The following EFTUD2 variants were observed in gnomAD, a reference collection of about 807,000 sequenced individuals.
EFTUD2 encodes 116 kDa U5 small nuclear ribonucleoprotein component.
A neutral mutation model predicts 114.3 loss-of-function variants in EFTUD2; 9 were observed. The observed-to-expected ratio is 0.08, with a 90% CI of 0.05 to 0.14. The LOEUF is 0.14. Ranked by LOEUF, EFTUD2 falls within the 10% of genes least tolerant of loss-of-function variation. EFTUD2 has a pLI of 1.00. For synonymous variants in EFTUD2, 449 were observed against 462.3 expected (o/e 0.97, Z 0.37); for missense variants, 765 against 1,241.2 (o/e 0.62, Z 5.76).
chr17:44,887,953 T>C (rs2051203868), intron 2 of EFTUD2, among the ~76,000 whole-genome samples: 1 of 152,200 alleles, frequency 6.6e-6, no homozygotes, highest in African/African-American at 2.4e-5. Flanking sequence ...CTAAAACACT[T>C]ACTGAGCACT....
chr17:44,860,857 C>T (rs1027526327), intron 16 of EFTUD2, among the ~76,000 whole-genome samples: 1 of 152,080 alleles, frequency 6.6e-6, no homozygotes. Flanking sequence ...CCTCAGCCTT[C>T]CAAAGTGCTA....
rs965187392 is a variant in EFTUD2, at chr17:44,863,106, CTCT to C, written c.1414-203_1414-201del. ...GACATGGCAGAGCAAAAATATTCTC[CTCT>C]TTTTTTTTTTTTGGGAGGATAAGGG... On this transcript the variant is annotated intron_variant, in intron 15 of 27. Coordinates refer to ENST00000426333, the MANE Select transcript of EFTUD2 (RefSeq NM_004247.4). 98 of 288,518 alleles carry C rather than the reference CTCT, an allele frequency of 3.4e-4. No homozygotes were observed. In the East Asian group the frequency reaches 3.5e-3, roughly 10 times the overall value. 17.9% of individuals were successfully genotyped at this position (288,518 alleles called of 1,614,324 possible).
chr17:44,885,445 T>C, intron 3 of EFTUD2, 111 bp from the exon 4 acceptor site: 1 of 775,826 alleles, frequency 1.3e-6, no homozygotes, highest in Non-Finnish European at 2.2e-6. Flanking sequence ...GACATCAATT[T>C]ATTTTACTCT....
chr17:44,882,084 G>A (rs1042693104), intron 6 of EFTUD2, among the ~76,000 whole-genome samples: 3 of 151,560 alleles, frequency 2.0e-5, no homozygotes, highest in Non-Finnish European at 2.9e-5. Context: ...GCAGACGTGC[G>A]CCACCATGCT....
intron 1 of EFTUD2, chr17:44,895,729 C>G (rs191477754): frequency 6.6e-6 from 1 of 152,306 alleles, no homozygotes; most frequent in East Asian, 1.9e-4. Context: ...CACAATACAA[C>G]CATCAAAATC....
At chr17:44,876,855 CAAAAAAAA>C (rs58892812) in intron 9 of EFTUD2, among the ~76,000 whole-genome samples, 23 of 48,242 alleles carry the variant, frequency 4.8e-4, no homozygotes, top group Middle Eastern at 0.016. Flanking sequence ...GACTCCGTCT[CAAAAAAAA>C]AAAAAAAAAA....
chr17:44,877,252 G>A (rs1427484712), intron 9 of EFTUD2, among the ~76,000 whole-genome samples: 9 of 151,912 alleles, frequency 5.9e-5, no homozygotes, highest in Admixed American at 5.9e-4. Context: ...GTCCAGGATT[G>A]GGACAAGGAA....
chr17:44,863,486 A>G, intron 15 of EFTUD2, 169 bp downstream of exon 15: 1 of 879,384 alleles, frequency 1.1e-6, no homozygotes, highest in Non-Finnish European at 1.7e-6. Flanking sequence ...TCCCAAGGTC[A>G]TAGCACTAGC....
chr17:44,886,712 A>G lies in EFTUD2; in HGVS notation c.144T>C (p.His48=), dbSNP rs140171398. The G allele has an allele frequency of 1.9e-6, 3 of 1,614,094 alleles. No homozygotes were observed. Among genetic ancestry groups the G allele is most frequent in the African/African-American group, 2.7e-5 (2 of 75,036 alleles). ...DDDDDDDVGD[H]DDDHPGMEVV... is the part of the protein sequence containing the mutation. ...CCTCCATCCCAGGGTGGTCATCGTC[A>G]TGATCTCCTACGTCATCGTCGTCGT... The change falls in exon 3 of 28, where the codon CAT becomes CAC. Residue 48 remains histidine, a synonymous_variant. Coordinates refer to ENST00000426333, the MANE Select transcript of EFTUD2 (RefSeq NM_004247.4).
chr17:44,863,881 G>A (rs764391514), intron 14 of EFTUD2, 99 bp from the exon 15 acceptor site: 43 of 1,492,112 alleles, frequency 2.9e-5, no homozygotes, highest in Middle Eastern at 3.9e-4. Flanking sequence ...CTCAAAGTGC[G>A]GGGACTGATT....
At chr17:44,889,468 G>A (rs925893852) in intron 2 of EFTUD2, among the ~76,000 whole-genome samples, 1 of 152,198 alleles carries the variant, frequency 6.6e-6, no homozygotes, top group African/African-American at 2.4e-5. Flanking sequence ...TGATCCTGTA[G>A]ACAGGGAAAA....
chr17:44,858,046 T>C (rs2050589703), intron 19 of EFTUD2, among the ~76,000 whole-genome samples: 1 of 150,996 alleles, frequency 6.6e-6, no homozygotes, highest in South Asian at 2.1e-4. Context: ...CTCAGCCTCC[T>C]GAGTAGCTGG....
chr17:44,875,321 A>T (rs1336459928), intron 10 of EFTUD2, among the ~76,000 whole-genome samples: 13 of 152,100 alleles, frequency 8.5e-5, no homozygotes, highest in Admixed American at 8.5e-4. Context: ...ACGAGCTCAG[A>T]AGGTCAAGAC....
chr17:44,859,409 T>G (rs1282792035), intron 18 of EFTUD2: 2 of 579,236 alleles, frequency 3.5e-6, no homozygotes, highest in Admixed American at 3.0e-5. Flanking sequence ...AGTCAATGAT[T>G]TAATTCCCAT....
At chr17:44,863,003 T>G in intron 15 of EFTUD2, 97 bp from the exon 16 acceptor site, 2 of 1,024,528 alleles carry the variant, frequency 2.0e-6, no homozygotes, top group Non-Finnish European at 2.9e-6. Flanking sequence ...ATGAGCTCTA[T>G]GAGGAGCTAG....
At position 44,876,085 on chromosome 17, in the gene EFTUD2, C is replaced by T. The variant is rs1266666191; in HGVS notation, c.718G>A (p.Glu240Lys). 1 of 1,613,124 alleles carries T rather than the reference C, an allele frequency of 6.2e-7. No individual in the cohort carries two copies. The highest frequency in any genetic ancestry group is 8.5e-7 in the Non-Finnish European group (1 of 1,179,484). The change falls in exon 10 of 28, where the codon GAG (glutamate) becomes AAG (lysine). Residue 240 changes from glutamate (E) to lysine (K), a missense_variant. By Grantham distance (56) the Glu-to-Lys change is moderately conservative. This residue lies in a region of EFTUD2 where 251 missense variants were observed against 357.7 expected (regional missense o/e 0.70). Coordinates refer to ENST00000426333, the MANE Select transcript of EFTUD2 (RefSeq NM_004247.4). ...DAAEGVMLNT[E>K]RLIKHAVQER... ...TGCACCGCATGCTTGATCAGCCGCT[C>T]TGTGTTCAGCATCACCTGAGAAAAA...
chr17:44,867,102 A>T (rs1317565722), intron 13 of EFTUD2, among the ~76,000 whole-genome samples: 3 of 152,116 alleles, frequency 2.0e-5, no homozygotes, highest in African/African-American at 7.2e-5. Flanking sequence ...GTGGGACCCT[A>T]TCTCTAAAAA....
intron 19 of EFTUD2, chr17:44,857,691 T>C (rs8069296): frequency 0.19 from 30,072 of 156,628 alleles, 3,134 homozygotes; most frequent in East Asian, 0.39. Context: ...CCACAGGGCC[T>C]TGGAGAAAAT....
In EFTUD2 at chr17:44,881,969, T is replaced by C. The variant is rs111343583; in HGVS notation, c.493-247A>G. On this transcript the variant is annotated intron_variant, in intron 6 of 27. Transcript: ENST00000426333. ...TTTTGGAGACAGAGTTTTGCTCTTG[T>C]AGCCCAGGCTGGAGTGCAATGGCGC... The C allele has an allele frequency of 0.058, 26,968 of 467,452 alleles. 965 individuals are homozygous for C. Among genetic ancestry groups the C allele is most frequent in the Non-Finnish European group, 0.08 (20,554 of 257,640 alleles). The allele number at this position is 467,452 out of a possible 1,614,324, so 29.0% of individuals were successfully genotyped here.
Sources: gnomAD v4.1 joint callset for allele counts (sites outside exome capture counted in the v4.1 genomes callset) on GRCh38, gnomAD v4.1.1 for gene constraint, gnomAD v4.1.1 regional missense constraint, MANE v1.5 for transcripts, NCBI Gene and HGNC (gene_info 2026-07-23, HGNC 2026-07-21) for gene names.